Variants in PRKG1 observed in about 807,000 individuals in gnomAD.
PRKG1 encodes the protein cGMP-dependent protein kinase 1.
Under a neutral mutation model 88.1 loss-of-function variants are expected in PRKG1, and 35 were observed. That is an observed-to-expected ratio of 0.40 (90% confidence interval 0.30 to 0.53). PRKG1 has a LOEUF of 0.53. Ranked by LOEUF, PRKG1 falls within the 20% of genes least tolerant of loss-of-function variation. The pLI is 0.59. For synonymous variants in PRKG1, 303 were observed against 292.5 expected (o/e 1.04, Z -0.37); for missense variants, 540 against 839.8 (o/e 0.64, Z 4.41).
chr10:51,376,802 G>A (rs1205037033), intron 2 of PRKG1, among the ~76,000 whole-genome samples: 1 of 152,056 alleles, frequency 6.6e-6, no homozygotes, highest in Non-Finnish European at 1.5e-5. Flanking sequence ...AGCCTCCCGA[G>A]TAGCTGGGAT....
intron 4 of PRKG1, among the ~76,000 whole-genome samples, chr10:51,882,445 T>C (rs758243011): frequency 1.3e-5 from 2 of 152,246 alleles, no homozygotes; most frequent in East Asian, 1.9e-4. Context: ...TTCCAGATCA[T>C]CTACTGCTTC....
intron 7 of PRKG1, among the ~76,000 whole-genome samples, chr10:52,105,129 T>C (rs1421044748): frequency 6.6e-6 from 1 of 152,128 alleles, no homozygotes; most frequent in Non-Finnish European, 1.5e-5. Flanking sequence ...AGGAAGAACT[T>C]ACCGAATTTA....
intron 2 of PRKG1, among the ~76,000 whole-genome samples, chr10:51,276,307 T>C (rs1184027561): frequency 6.6e-6 from 1 of 152,244 alleles, no homozygotes; most frequent in East Asian, 1.9e-4. Context: ...TCCTTTTTTA[T>C]GGCTGCATAG....
chr10:51,528,874 T>C (rs2132089417), intron 3 of PRKG1, among the ~76,000 whole-genome samples: 1 of 152,052 alleles, frequency 6.6e-6, no homozygotes, highest in East Asian at 1.9e-4. Flanking sequence ...ACATATCTTG[T>C]CCCCAATGTA....
At chr10:51,898,676 A>T (rs960755851) in intron 4 of PRKG1, among the ~76,000 whole-genome samples, 6 of 152,086 alleles carry the variant, frequency 3.9e-5, no homozygotes, top group Non-Finnish European at 5.9e-5. Flanking sequence ...CTCTTCAAAA[A>T]ACTGGTGGCA....
At chr10:51,704,242 C>CAGATAGAT (rs570192025) in intron 3 of PRKG1, among the ~76,000 whole-genome samples, 6,930 of 150,824 alleles carry the variant, frequency 0.046, 289 homozygotes, top group African/African-American at 0.097. Context: ...GATAGACAGA[C>CAGATAGAT]AGACAGACAG....
At chr10:51,671,690 A>C (rs1241896271) in intron 3 of PRKG1, among the ~76,000 whole-genome samples, 2 of 151,268 alleles carry the variant, frequency 1.3e-5, no homozygotes, top group Non-Finnish European at 2.9e-5. Context: ...GGGTTCAAAC[A>C]ATTCTCCTGC....
intron 1 of PRKG1, among the ~76,000 whole-genome samples, chr10:51,096,372 A>G (rs1435375626): frequency 6.6e-6 from 1 of 152,194 alleles, no homozygotes; most frequent in Non-Finnish European, 1.5e-5. Flanking sequence ...TTAGGTCAGT[A>G]GCCCAGTTGG....
At chr10:52,185,677 C>G (rs7905525) in intron 9 of PRKG1, among the ~76,000 whole-genome samples, 35,415 of 152,126 alleles carry the variant, frequency 0.23, 6,226 homozygotes, top group African/African-American at 0.49. Flanking sequence ...GCTTCTGCCT[C>G]GGCACCCAGA....
At chr10:52,031,458 G>A (rs551947928) in intron 5 of PRKG1, among the ~76,000 whole-genome samples, 12 of 152,160 alleles carry the variant, frequency 7.9e-5, no homozygotes, top group Non-Finnish European at 1.0e-4. Flanking sequence ...AGGGCTTCTT[G>A]CAATAATCTA....
intron 3 of PRKG1, among the ~76,000 whole-genome samples, chr10:51,550,126 A>AAGTTC (rs1837089195): frequency 1.3e-5 from 2 of 152,106 alleles, no homozygotes; most frequent in African/African-American, 4.8e-5. Context: ...CTAAGTCTCT[A>AAGTTC]CTAGGAACTA....
rs188541289 is a variant in PRKG1 at position 52,261,134 on chromosome 10, A to G, written c.1173+9468A>G. On this transcript the variant is annotated intron_variant, in intron 10 of 17. Coordinates refer to ENST00000373980, the MANE Select transcript of PRKG1 (RefSeq NM_006258.4). ...TGAAAGTTAAATGTCTCTAAAAAATAGAAAAAAAAAACCTTATCTCCTCTT... is the reference window on the plus strand; with the variant it reads ...TGAAAGTTAAATGTCTCTAAAAAATGGAAAAAAAAAACCTTATCTCCTCTT... Among the ~76,000 whole-genome samples, 123 of 151,990 alleles carry G rather than the reference A, an allele frequency of 8.1e-4. No homozygotes were observed. In the Middle Eastern group the frequency reaches 0.017, roughly 21 times the overall value.
intron 3 of PRKG1, among the ~76,000 whole-genome samples, chr10:51,758,139 A>T (rs1343013687): frequency 1.3e-5 from 2 of 152,236 alleles, no homozygotes; most frequent in African/African-American, 2.4e-5. Context: ...CTAGAAAAAA[A>T]AATTTAAACT....
chr10:51,018,701 C>T (rs1263718240), intron 1 of PRKG1, among the ~76,000 whole-genome samples: 1 of 152,088 alleles, frequency 6.6e-6, no homozygotes, highest in Non-Finnish European at 1.5e-5. Context: ...TTTAAAAGTT[C>T]AGGGCAATTA....
intron 3 of PRKG1, among the ~76,000 whole-genome samples, chr10:51,586,560 A>G (rs1201398056): frequency 6.6e-6 from 1 of 152,154 alleles, no homozygotes; most frequent in Non-Finnish European, 1.5e-5. Flanking sequence ...TTAAAACTTT[A>G]TTAAAATGTT....
chr10:52,121,114 G>C (rs1847810203), intron 7 of PRKG1, among the ~76,000 whole-genome samples: 1 of 152,142 alleles, frequency 6.6e-6, no homozygotes, highest in Admixed American at 6.5e-5. Context: ...TCCTGGGGTG[G>C]CCCAGGAGTG....
chr10:51,648,495 A>G (rs1839966740), intron 3 of PRKG1, among the ~76,000 whole-genome samples: 1 of 152,098 alleles, frequency 6.6e-6, no homozygotes, highest in Admixed American at 6.6e-5. Flanking sequence ...ATTAATTTTT[A>G]TTCTCTCTCT....
At chr10:52,054,452 T>G (rs750067482) in intron 5 of PRKG1, 32 bp from the exon 6 acceptor site, 1 of 1,559,182 alleles carries the variant, frequency 6.4e-7, no homozygotes, top group African/African-American at 1.4e-5. Context: ...ACTGCTTGCT[T>G]AATTTTTTTT....
At chr10:52,265,592 A>C (rs984217301) in intron 10 of PRKG1, among the ~76,000 whole-genome samples, 3 of 152,110 alleles carry the variant, frequency 2.0e-5, no homozygotes, top group Admixed American at 2.0e-4. Flanking sequence ...AATAAAGGCA[A>C]AAAATTGGGT....
Sources: allele counts gnomAD v4.1 joint callset (sites outside exome capture counted in the v4.1 genomes callset), GRCh38; gene constraint gnomAD v4.1.1; transcripts MANE v1.5; gene names NCBI Gene and HGNC (gene_info 2026-07-23, HGNC 2026-07-21).